The following BIN3 variants were observed in gnomAD, a reference collection of about 807,000 sequenced individuals.
The protein encoded by BIN3 is bridging integrator 3.
BIN3 carries 41 observed loss-of-function variants against 38.2 expected under a neutral mutation model. The ratio of observed to expected loss-of-function variants is 1.07; its 90% CI spans 0.84 to 1.39. The LOEUF (loss-of-function observed/expected upper bound fraction) is 1.39. BIN3 is among the 40% of genes most tolerant of loss of function. The pLI, the probability that BIN3 is intolerant of heterozygous loss-of-function variation, is 0.00. For missense variants in BIN3, 361 were observed against 324.3 expected (o/e 1.11, Z -0.87); for synonymous variants, 145 against 122.6 (o/e 1.18, Z -1.21).
chr8:22,631,975 C>T (rs1172393273), intron 4 of BIN3, among the ~76,000 whole-genome samples: 6 of 152,310 alleles, frequency 3.9e-5, no homozygotes, highest in African/African-American at 1.4e-4. Flanking sequence ...GCCGTCTGTA[C>T]CAGTGTCAGA....
intron 8 of BIN3, 71 bp downstream of exon 8, chr8:22,623,844 C>T: frequency 1.3e-6 from 2 of 1,538,334 alleles, no homozygotes; most frequent in South Asian, 1.2e-5. Context: ...GCCACCCTTC[C>T]AGTGTGGGTG....
chr8:22,622,277 A>G (rs953387974), intron 8 of BIN3, among the ~76,000 whole-genome samples: 23 of 152,228 alleles, frequency 1.5e-4, no homozygotes, highest in South Asian at 6.2e-4. Flanking sequence ...TCATGACCCA[A>G]TGAAAGCATG....
At chr8:22,643,208 T>C (rs932152965) in intron 2 of BIN3, among the ~76,000 whole-genome samples, 5 of 152,166 alleles carry the variant, frequency 3.3e-5, no homozygotes, top group African/African-American at 1.2e-4. Context: ...GAGACCAACA[T>C]ATGCACACCC....
intron 4 of BIN3, 32 bp downstream of exon 4, chr8:22,636,493 C>T: frequency 6.4e-7 from 1 of 1,550,720 alleles, no homozygotes; most frequent in Non-Finnish European, 8.7e-7. Flanking sequence ...CCCACCTGCT[C>T]AAGCGAGTGG....
chr8:22,667,209 TA>T (rs1803449922), intron 1 of BIN3, among the ~76,000 whole-genome samples: 1 of 152,306 alleles, frequency 6.6e-6, no homozygotes, highest in South Asian at 2.1e-4. Context: ...AAATTAAAGC[TA>T]CTAGATGAAA....
Position 22,621,324 on chromosome 8 carries a change from C to T in BIN3, c.*98G>A. 7 of 1,462,876 alleles carry T rather than the reference C, an allele frequency of 4.8e-6. No homozygotes were observed. The highest frequency in any genetic ancestry group is 5.5e-6 in the Non-Finnish European group (6 of 1,094,322). 90.6% of individuals were successfully genotyped at this position (1,462,876 alleles called of 1,614,324 possible). ...GGGCCGGCAAGTGAACCAGGGCCAC[C>T]TCTGTCCCCAGCCTGTGAGAGGAGC... On this transcript the variant is annotated 3_prime_UTR_variant, in exon 9 of 9. Coordinates refer to ENST00000276416, the MANE Select transcript of BIN3 (RefSeq NM_018688.6).
Position 22,661,389 on chromosome 8 carries a change from G to A in BIN3, c.8+7655C>T, listed in dbSNP as rs1430788926. 1.4e-4 allele frequency among the ~76,000 whole-genome samples: 16 copies of A among 115,750 alleles called. No homozygotes were observed. In the South Asian group the frequency reaches 2.9e-3, roughly 21 times the overall value. The allele number at this position is 115,750 out of a possible 152,430, so 75.9% of individuals were successfully genotyped here. On this transcript the variant is annotated intron_variant, in intron 1 of 8. Coordinates refer to ENST00000276416, the MANE Select transcript of BIN3 (RefSeq NM_018688.6). ...TTTTTTTTTTTTGAGATGGAGTCTC[G>A]CTCTATCACCCAGGCTGGAATGCAG...
chr8:22,631,986 G>A (rs1227933736), intron 4 of BIN3, among the ~76,000 whole-genome samples: 4 of 152,244 alleles, frequency 2.6e-5, no homozygotes, highest in African/African-American at 7.2e-5. Context: ...CAGTGTCAGA[G>A]TGCATCTGGG....
chr8:22,667,100 T>TA (rs1224269563), intron 1 of BIN3, among the ~76,000 whole-genome samples: 1 of 152,164 alleles, frequency 6.6e-6, no homozygotes, highest in Non-Finnish European at 1.5e-5. Context: ...AGAAGCCCTT[T>TA]AAGGGGGAAG....
rs962749322 is a variant in BIN3, at chr8:22,620,606, C to T, written c.*816G>A. On this transcript the variant is annotated 3_prime_UTR_variant, in exon 9 of 9. Coordinates refer to ENST00000276416, the MANE Select transcript of BIN3 (RefSeq NM_018688.6). ...AGGGCCGGGGAGGTGCGCACACACC[C>T]CTGGCATGCTGGGCTGCCTGCTGGA... is the stretch of plus-strand genomic sequence containing the variant. The T allele has an allele frequency of 6.6e-6, 1 of 152,160 alleles. No individual in the cohort carries two copies. The highest frequency in any genetic ancestry group is 1.5e-5 in the Non-Finnish European group (1 of 68,030). 9.4% of individuals were successfully genotyped at this position (152,160 alleles called of 1,614,324 possible).
In BIN3 at chr8:22,634,943, C is replaced by G. The variant is rs1404887933; in HGVS notation, c.160+1582G>C. Among the ~76,000 whole-genome samples the G allele has an allele frequency of 3.2e-4, 48 of 152,162 alleles. 1 individual carries two copies. The highest frequency in any genetic ancestry group is 2.9e-5 in the Non-Finnish European group (2 of 68,024). On this transcript the variant is annotated intron_variant, in intron 4 of 8. Transcript: ENST00000276416. ...GGTGTGTCATGTGCCCTGCCAATCT[C>G]AAGGTCAGAAAAGCTCAGGGAGGTG...
At chr8:22,623,502 G>T (rs771311948) in intron 8 of BIN3, among the ~76,000 whole-genome samples, 1 of 152,198 alleles carries the variant, frequency 6.6e-6, no homozygotes, top group Admixed American at 6.5e-5. Context: ...ACTGGCTCAC[G>T]GTAGGCAGGG....
chr8:22,626,956 G>C (rs1354607648), intron 6 of BIN3, among the ~76,000 whole-genome samples: 1 of 152,192 alleles, frequency 6.6e-6, no homozygotes, highest in Admixed American at 6.5e-5. Context: ...GGGTTACAGA[G>C]CTCCTCGGGG....
intron 6 of BIN3, among the ~76,000 whole-genome samples, chr8:22,627,591 G>A (rs1177747278): frequency 6.6e-6 from 1 of 152,166 alleles, no homozygotes; most frequent in South Asian, 2.1e-4. Context: ...CACACTGGGG[G>A]AGCCTGTCCC....
At position 22,621,065 on chromosome 8, in the gene BIN3, G is replaced by C. The variant is rs113002231; in HGVS notation, c.*357C>G. On this transcript the variant is annotated 3_prime_UTR_variant, in exon 9 of 9. Transcript: ENST00000276416. ...GGATGGGTCTTTTGGAGGTAGATTTGATGCCCACAACGCATGCAAGGCTAA... is the reference window on the plus strand; with the variant it reads ...GGATGGGTCTTTTGGAGGTAGATTTCATGCCCACAACGCATGCAAGGCTAA... 5.0e-6 allele frequency: 1 copy of C among 199,140 alleles called. No individual in the cohort carries two copies. The highest frequency in any genetic ancestry group is 1.0e-5 in the Non-Finnish European group (1 of 98,382). 12.3% of individuals were successfully genotyped at this position (199,140 alleles called of 1,614,324 possible). A position where few individuals can be genotyped will look rare whatever the true frequency, so the allele number is the denominator to read the frequency against.
At chr8:22,636,169 G>A (rs962088612) in intron 4 of BIN3, among the ~76,000 whole-genome samples, 5 of 152,182 alleles carry the variant, frequency 3.3e-5, no homozygotes, top group South Asian at 2.1e-4. Flanking sequence ...ACGGAGTCTC[G>A]TTTCTGCGGG....
At position 22,621,281 on chromosome 8, in the gene BIN3, A is replaced by G. The variant is rs995412507; in HGVS notation, c.*141T>C. 1 of 1,116,674 alleles carries G rather than the reference A, an allele frequency of 9.0e-7. No homozygotes were observed. 69.2% of individuals were successfully genotyped at this position (1,116,674 alleles called of 1,614,324 possible). On this transcript the variant is annotated 3_prime_UTR_variant, in exon 9 of 9. Coordinates refer to ENST00000276416, the MANE Select transcript of BIN3 (RefSeq NM_018688.6). ...AGGGCTCCTGGTGCCAGGCTCAGGA[A>G]GAGTCATTCATTGCAAAGGGCCGGC...
chr8:22,665,304 C>G (rs1803380330), intron 1 of BIN3, among the ~76,000 whole-genome samples: 1 of 152,100 alleles, frequency 6.6e-6, no homozygotes, highest in African/African-American at 2.4e-5. Flanking sequence ...TTTTCCTGAG[C>G]TGAGGCAAGT....
chr8:22,640,625 A>C (rs992153018), intron 2 of BIN3, among the ~76,000 whole-genome samples: 29 of 147,850 alleles, frequency 2.0e-4, no homozygotes, highest in African/African-American at 5.3e-4. Flanking sequence ...GATCCAGAAC[A>C]CACAGGGGGC....
Sources: gnomAD v4.1 joint callset for allele counts (sites outside exome capture counted in the v4.1 genomes callset) on GRCh38, gnomAD v4.1.1 for gene constraint, MANE v1.5 for transcripts, NCBI Gene and HGNC (gene_info 2026-07-23, HGNC 2026-07-21) for gene names.